The following NGEF variants were observed in gnomAD, a reference collection of about 807,000 sequenced individuals.
The protein encoded by NGEF is ephexin-1.
Under a neutral mutation model 80.9 loss-of-function variants are expected in NGEF, and 31 were observed. The ratio of observed to expected loss-of-function variants is 0.38; its 90% confidence interval spans 0.29 to 0.52. The LOEUF is 0.52. NGEF is among the 20% of genes least tolerant of loss of function. The pLI is 0.84. For synonymous variants in NGEF, 371 were observed against 370.2 expected (o/e 1.00, Z -0.03); for missense variants, 709 against 926.2 (o/e 0.77, Z 3.04).
At chr2:232,999,206 G>A (rs1204404445) in intron 1 of NGEF, among the ~76,000 whole-genome samples, 3 of 152,088 alleles carry the variant, frequency 2.0e-5, no homozygotes, top group Non-Finnish European at 4.4e-5. Context: ...CTCCCAGGCT[G>A]CCCTTTTTAT....
chr2:232,890,449 C>T (rs965108690), intron 8 of NGEF, among the ~76,000 whole-genome samples: 6 of 152,276 alleles, frequency 3.9e-5, no homozygotes, highest in African/African-American at 7.2e-5. Context: ...GCGGCCTCTT[C>T]GGTTAATTAC....
rs186489902 is a variant in NGEF, at chr2:232,957,540, C to T, written c.383+12674G>A. ...GTTTTGCCATGTTAGCCAGGGTGGT[C>T]TTGAACTCCTGACCTCAGGTGATCT... On this transcript the variant is annotated intron_variant, in intron 3 of 14. Transcript: ENST00000264051. 4.1e-3 allele frequency among the ~76,000 whole-genome samples: 623 copies of T among 152,330 alleles called. 2 individuals carry two copies. Among genetic ancestry groups the T allele is most frequent in the African/African-American group, 0.014 (588 of 41,574 alleles).
At position 232,957,356 on chromosome 2, in the gene NGEF, T is replaced by C. The variant is rs145357248; in HGVS notation, c.383+12858A>G. On this transcript the variant is annotated intron_variant, in intron 3 of 14. Transcript: ENST00000264051. ...TTATTATTTTGAGATGGAGTCTCAC[T>C]CTGTCTCCCAGGCTGGGGTGCAGTG... 2.8e-3 allele frequency among the ~76,000 whole-genome samples: 427 copies of C among 152,254 alleles called. 5 individuals carry two copies. Among genetic ancestry groups the C allele is most frequent in the East Asian group, 0.019 (98 of 5,190 alleles).
chr2:232,909,786 C>A lies in NGEF; in HGVS notation c.828+10498G>T, dbSNP rs150112648. ...GCCATGCTCCCCGCATCCTTCACCC[C>A]TGGAAACCACTCTTTGCCAATGAGA... On this transcript the variant is annotated intron_variant, in intron 5 of 14. Transcript: ENST00000264051. Among the ~76,000 whole-genome samples the A allele has an allele frequency of 7.2e-5, 11 of 152,312 alleles. No individual in the cohort carries two copies. The East Asian group carries it at 2.1e-3, about 29-fold the overall frequency.
intron 3 of NGEF, among the ~76,000 whole-genome samples, chr2:232,943,561 T>C (rs1197805168): frequency 6.7e-6 from 1 of 149,864 alleles, no homozygotes; most frequent in East Asian, 2.0e-4. Flanking sequence ...AGTGGCGCGA[T>C]CTCGGCTCAC....
In NGEF at chr2:232,885,803, A is replaced by G. The variant is rs557762015; in HGVS notation, c.1348-434T>C. The stretch of plus-strand genomic sequence containing the variant: ...AAGGAAGACAATTCTGCAGTGACAC[A>G]TGGGGCCCGGCACAGGGCCAGGCTC... On this transcript the variant is annotated intron_variant, in intron 9 of 14. Coordinates refer to ENST00000264051, the MANE Select transcript of NGEF (RefSeq NM_019850.3). Among the ~76,000 whole-genome samples the G allele has an allele frequency of 6.6e-5, 10 of 152,288 alleles. No individual in the cohort carries two copies. The South Asian group carries it at 2.1e-3, about 32-fold the overall frequency.
intron 5 of NGEF, among the ~76,000 whole-genome samples, chr2:232,901,895 T>G (rs1259022195): frequency 6.6e-6 from 1 of 152,246 alleles, no homozygotes; most frequent in Non-Finnish European, 1.5e-5. Flanking sequence ...CCAGGCTCCG[T>G]GTCTCCAGTA....
chr2:232,883,546 C>A (rs1324256880), intron 11 of NGEF, 80 bp from the exon 12 acceptor site: 5 of 1,361,260 alleles, frequency 3.7e-6, no homozygotes, highest in Non-Finnish European at 3.9e-6. Flanking sequence ...CTTGGCAGGC[C>A]AACAAGCCTG....
chr2:232,970,347 G>A lies in NGEF; in HGVS notation c.269-19C>T. On this transcript the variant is annotated intron_variant, in intron 2 of 14. Coordinates refer to ENST00000264051, the MANE Select transcript of NGEF (RefSeq NM_019850.3). The stretch of plus-strand genomic sequence containing the variant: ...TGTGAATCTGTGACAATTCAGAAAT[G>A]GAGCAAGTTAGAAGATACAGATCAA... 6.6e-7 allele frequency: 1 copy of A among 1,504,516 alleles called. No homozygotes were observed. The highest frequency in any genetic ancestry group is 9.2e-7 in the Non-Finnish European group (1 of 1,091,376). 93.2% of individuals were successfully genotyped at this position (1,504,516 alleles called of 1,614,324 possible).
intron 4 of NGEF, among the ~76,000 whole-genome samples, chr2:232,925,196 C>T (rs896272947): frequency 2.6e-5 from 4 of 152,188 alleles, no homozygotes; most frequent in Non-Finnish European, 5.9e-5. Context: ...CTTTCCTTCC[C>T]CATTAATCAT....
At chr2:232,888,201 T>C (rs2106222520) in intron 8 of NGEF, 94 bp from the exon 9 acceptor site, 8 of 843,862 alleles carry the variant, frequency 9.5e-6, no homozygotes, top group Non-Finnish European at 1.5e-5. Flanking sequence ...ACTGCACCAG[T>C]CCAGCCCCAT....
Position 232,881,137 on chromosome 2 carries a change from G to A in NGEF, c.1942+9C>T. The A allele has an allele frequency of 1.2e-6, 2 of 1,610,838 alleles. No individual in the cohort carries two copies. Among genetic ancestry groups the A allele is most frequent in the Non-Finnish European group, 8.5e-7 (1 of 1,179,404 alleles). On this transcript the variant is annotated intron_variant, in intron 14 of 14. Coordinates refer to ENST00000264051, the MANE Select transcript of NGEF (RefSeq NM_019850.3). ...CTGGGGGCCCCGAGGGGAGGTCCCT[G>A]GGCCTCACCGTCGTCAGTCTTGTCC...
intron 3 of NGEF, among the ~76,000 whole-genome samples, chr2:232,943,648 A>G (rs1693488046): frequency 6.6e-6 from 1 of 151,290 alleles, no homozygotes; most frequent in South Asian, 2.1e-4. Flanking sequence ...GGCGCCCGCC[A>G]CTAGACCCGA....
chr2:232,910,060 C>T (rs997759506), intron 5 of NGEF, among the ~76,000 whole-genome samples: 1 of 152,068 alleles, frequency 6.6e-6, no homozygotes. Context: ...CAACCAGGAG[C>T]AATTTTGGTC....
chr2:232,883,671 TCCTGCCAAC>T (rs1691586581), intron 11 of NGEF, among the ~76,000 whole-genome samples: 1 of 152,074 alleles, frequency 6.6e-6, no homozygotes, highest in Admixed American at 6.5e-5. Flanking sequence ...AGCACCACGG[TCCTGCCAAC>T]CCTGACGACC....
Position 232,963,480 on chromosome 2 carries a change from C to A in NGEF, c.383+6734G>T, listed in dbSNP as rs145472490. Among the ~76,000 whole-genome samples, 216 of 152,038 alleles carry A rather than the reference C, an allele frequency of 1.4e-3. 3 individuals carry two copies. The highest frequency in any genetic ancestry group is 4.9e-3 in the African/African-American group (202 of 41,318). ...GGACAAACAATAAAAAAATTTCTAACTTAGTCTTCATCAAAATTAAAAATT... is the reference window on the plus strand; with the variant it reads ...GGACAAACAATAAAAAAATTTCTAAATTAGTCTTCATCAAAATTAAAAATT... On this transcript the variant is annotated intron_variant, in intron 3 of 14. Coordinates refer to ENST00000264051, the MANE Select transcript of NGEF (RefSeq NM_019850.3).
chr2:232,981,069 A>G (rs1375624695), intron 1 of NGEF, among the ~76,000 whole-genome samples: 3 of 151,296 alleles, frequency 2.0e-5, no homozygotes, highest in African/African-American at 7.3e-5. Flanking sequence ...AACTAGGGGA[A>G]TGGAGGGGTA....
At chr2:232,924,258 T>C (rs115913949) in intron 4 of NGEF, among the ~76,000 whole-genome samples, 1,571 of 151,990 alleles carry the variant, frequency 0.01, 26 homozygotes, top group African/African-American at 0.035. Context: ...AATAAATAAA[T>C]ACATTTTTAA....
intron 3 of NGEF, chr2:232,969,991 C>G (rs947202745): frequency 7.4e-6 from 2 of 272,090 alleles, no homozygotes; most frequent in African/African-American, 4.5e-5. Context: ...ATAGCAAGAC[C>G]ACATCACTGC....
Sources: gnomAD v4.1 joint callset for allele counts (sites outside exome capture counted in the v4.1 genomes callset) on GRCh38, gnomAD v4.1.1 for gene constraint, MANE v1.5 for transcripts, NCBI Gene and HGNC (gene_info 2026-07-23, HGNC 2026-07-21) for gene names.